PCYT2: variants seen among roughly 807,000 people sequenced by gnomAD.
PCYT2 encodes ethanolamine-phosphate cytidylyltransferase.
PCYT2 carries 33 observed loss-of-function variants against 50.0 expected under a neutral mutation model. The observed-to-expected ratio is 0.66, with a 90% CI of 0.50 to 0.88. The LOEUF (loss-of-function observed/expected upper bound fraction) is 0.88, where lower values mean the gene tolerates loss of function less well. Ranked by LOEUF, PCYT2 falls within the 40% of genes least tolerant of loss-of-function variation. The pLI is 0.00. For synonymous variants in PCYT2, 240 were observed against 203.7 expected (o/e 1.18, Z -1.52); for missense variants, 430 against 519.7 (o/e 0.83, Z 1.68).
chr17:81,907,016 G>T, intron 6 of PCYT2, 118 bp from the exon 7 acceptor site: 2 of 1,272,904 alleles, frequency 1.6e-6, no homozygotes, highest in Non-Finnish European at 2.2e-6. Context: ...CAGTCATCTC[G>T]GGCAGGGGAC....
rs374995601 is a variant in PCYT2 at position 81,908,931 on chromosome 17, G to A, written c.285C>T (p.Tyr95=). The A allele has an allele frequency of 1.3e-5, 21 of 1,613,946 alleles. No homozygotes were observed. Among genetic ancestry groups the A allele is most frequent in the South Asian group, 3.3e-5 (3 of 91,082 alleles). ...WVDEVVPAAP[Y]VTTLETLDKY... ...TGTCCAGGGTCTCTAGTGTAGTGAC[G>A]TAGGGAGCCGCTGGCACCACCTCGT... The change falls in exon 3 of 13, where the codon TAC becomes TAT. Residue 95 remains tyrosine, a synonymous_variant. Transcript: ENST00000538936.
At position 81,906,485 on chromosome 17, in the gene PCYT2, G is replaced by A. The variant is rs375556586; in HGVS notation, c.738C>T (p.Ile246=). The A allele has an allele frequency of 2.2e-5, 36 of 1,613,340 alleles. No individual in the cohort carries two copies. Among genetic ancestry groups the A allele is most frequent in the Admixed American group, 6.7e-5 (4 of 59,996 alleles). The change falls in exon 8 of 13, where the codon ATC becomes ATT. Residue 246 remains isoleucine (I), a synonymous_variant. Coordinates refer to ENST00000538936, the MANE Select transcript of PCYT2 (RefSeq NM_002861.5). ...TGACCTGGTCAAAGTGTAAGCCCGCGATGATGTAGGGCCTCTCTGCCAGCC... is the reference window on the plus strand; with the variant it reads ...TGACCTGGTCAAAGTGTAAGCCCGCAATGATGTAGGGCCTCTCTGCCAGCC... ...VHRLAERPYI[I]AGLHFDQEVN...
In PCYT2 at chr17:81,902,515, C is replaced by G; in HGVS notation, c.*2318G>C. The G allele has an allele frequency of 1.4e-6, 2 of 1,446,848 alleles. No individual in the cohort carries two copies. Among genetic ancestry groups the G allele is most frequent in the Non-Finnish European group, 1.8e-6 (2 of 1,106,538 alleles). The allele number at this position is 1,446,848 out of a possible 1,614,324, so 89.6% of individuals were successfully genotyped here. On this transcript the variant is annotated 3_prime_UTR_variant, in exon 13 of 13. Transcript: ENST00000538936. ...CCCGGAGCTGCAACTGCACCCCAGG[C>G]TGCGGAGCCTCGTGAGTCCGGCGTG...
rs35473202 is a variant in PCYT2 at position 81,908,903 on chromosome 17, A to G, written c.313T>C (p.Tyr105His). ...YVTTLETLDKYNCDFCVHGND... is the reference protein window; with the variant it reads ...YVTTLETLDKHNCDFCVHGND... ...CCGTGAACACAGAAGTCACAGTTGT[A>G]TTTGTCCAGGGTCTCTAGTGTAGTG... The change falls in exon 3 of 13, where the codon TAC becomes CAC. Residue 105 changes from tyrosine to histidine, a missense_variant. Tyr to His is a moderately conservative substitution (Grantham distance 83, BLOSUM62 2). Coordinates refer to ENST00000538936, the MANE Select transcript of PCYT2 (RefSeq NM_002861.5). The G allele has an allele frequency of 3.5e-4, 557 of 1,613,746 alleles. 1 individual carries two copies. Among genetic ancestry groups the G allele is most frequent in the Non-Finnish European group, 4.5e-4 (526 of 1,179,968 alleles).
At chr17:81,911,092 G>A in intron 1 of PCYT2, 175 bp downstream of exon 1, 7 of 1,002,308 alleles carry the variant, frequency 7.0e-6, no homozygotes, top group Non-Finnish European at 7.1e-6. Context: ...AGGGCGCGGA[G>A]CCTCTGCAGC....
rs140422657 is a variant in PCYT2 at position 81,904,599 on chromosome 17, C to T, written c.*234G>A. 70 of 511,280 alleles carry T rather than the reference C, an allele frequency of 1.4e-4. No individual in the cohort carries two copies. The highest frequency in any genetic ancestry group is 9.7e-4 in the African/African-American group (51 of 52,398). The allele number at this position is 511,280 out of a possible 1,614,324, so 31.7% of individuals were successfully genotyped here. On this transcript the variant is annotated 3_prime_UTR_variant, in exon 13 of 13. Transcript: ENST00000538936. ...TTTCAGGCTGCAGGTGCCGTCTGCC[C>T]GTCTCACTTCCGGCCTCTCCACTGT...
rs776964821 is a variant in PCYT2, at chr17:81,902,761, C to T, written c.*2072G>A. The T allele has an allele frequency of 1.3e-6, 2 of 1,596,066 alleles. No individual in the cohort carries two copies. The highest frequency in any genetic ancestry group is 1.1e-5 in the South Asian group (1 of 89,252). On this transcript the variant is annotated 3_prime_UTR_variant, in exon 13 of 13. Coordinates refer to ENST00000538936, the MANE Select transcript of PCYT2 (RefSeq NM_002861.5). ...CCTCGCCGCCTGAGCCCGGACCTCT[C>T]CTGGCACCGCTGGGGGCCCCCCGCC...
At chr17:81,906,701 GC>G in intron 7 of PCYT2, 58 bp downstream of exon 7, 2 of 1,601,558 alleles carry the variant, frequency 1.2e-6, no homozygotes, top group Non-Finnish European at 1.7e-6. Flanking sequence ...GTCAAGTGAG[GC>G]CCCCGGGTCC....
intron 6 of PCYT2, chr17:81,907,158 C>G: frequency 1.4e-6 from 2 of 1,451,778 alleles, no homozygotes; most frequent in Non-Finnish European, 1.8e-6. Flanking sequence ...CAGGTGCACA[C>G]AGCCCTTGGG....
chr17:81,905,340 C>CA (rs2040195659), intron 11 of PCYT2, 42 bp downstream of exon 11: 1 of 1,520,072 alleles, frequency 6.6e-7, no homozygotes, highest in Non-Finnish European at 8.9e-7. Flanking sequence ...TGGGAGGTGC[C>CA]AATGGCAACC....
In PCYT2 at chr17:81,901,331, G is replaced by A. The variant is rs1159556706; in HGVS notation, c.*3502C>T. The A allele has an allele frequency of 6.6e-6, 1 of 152,236 alleles. No individual in the cohort carries two copies. Among genetic ancestry groups the A allele is most frequent in the East Asian group, 1.9e-4 (1 of 5,206 alleles). 9.4% of individuals were successfully genotyped at this position (152,236 alleles called of 1,614,324 possible). A position where few individuals can be genotyped will look rare whatever the true frequency, so the allele number is the denominator to read the frequency against. On this transcript the variant is annotated 3_prime_UTR_variant, in exon 13 of 13. Coordinates refer to ENST00000538936, the MANE Select transcript of PCYT2 (RefSeq NM_002861.5). ...TGGTGCCCACCTGGATTGAGGGTGG[G>A]TCTGCCTCTCCCAGCCCACTGACTC...
chr17:81,904,790 C>G lies in PCYT2; in HGVS notation c.*43G>C. The stretch of plus-strand genomic sequence containing the variant: ...GTCCTATGTCCAAACGCAGAAGGCG[C>G]AGAAGCAGAGCAGGGGGAGGGCCGG... On this transcript the variant is annotated 3_prime_UTR_variant, in exon 13 of 13. Transcript: ENST00000538936. 1.5e-6 allele frequency: 2 copies of G among 1,361,720 alleles called. No homozygotes were observed. The highest frequency in any genetic ancestry group is 2.1e-6 in the Non-Finnish European group (2 of 971,072). 84.4% of individuals were successfully genotyped at this position (1,361,720 alleles called of 1,614,324 possible). A position where few individuals can be genotyped will look rare whatever the true frequency, so the allele number is the denominator to read the frequency against.
chr17:81,902,673 C>T lies in PCYT2; in HGVS notation c.*2160G>A, dbSNP rs769379999. The T allele has an allele frequency of 2.5e-5, 40 of 1,607,818 alleles. No individual in the cohort carries two copies. The Admixed American group carries it at 5.2e-4, about 21-fold the overall frequency. ...ACCTGCAGAGGTGCGAGCGGCTCCC[C>T]GACGGCCGCGGGACCTACCAGTGCA... On this transcript the variant is annotated 3_prime_UTR_variant, in exon 13 of 13. Transcript: ENST00000538936.
At position 81,904,583 on chromosome 17, in the gene PCYT2, G is replaced by A. The variant is rs568048355; in HGVS notation, c.*250C>T. On this transcript the variant is annotated 3_prime_UTR_variant, in exon 13 of 13. Transcript: ENST00000538936. ...ACGCAGGAGCGGTGCGTTTCAGGCT[G>A]CAGGTGCCGTCTGCCCGTCTCACTT... 3 of 494,408 alleles carry A rather than the reference G, an allele frequency of 6.1e-6. No homozygotes were observed. The Admixed American group carries it at 1.1e-4, about 18-fold the overall frequency. The allele number at this position is 494,408 out of a possible 1,614,324, so 30.6% of individuals were successfully genotyped here. A position where few individuals can be genotyped will look rare whatever the true frequency, so the allele number is the denominator to read the frequency against.
intron 9 of PCYT2, 60 bp downstream of exon 9, chr17:81,906,040 T>G: frequency 6.9e-7 from 1 of 1,455,936 alleles, no homozygotes; most frequent in Non-Finnish European, 9.4e-7. Flanking sequence ...AGGCCCTTAG[T>G]AGGGGGGATG....
At position 81,902,397 on chromosome 17, in the gene PCYT2, C is replaced by T; in HGVS notation, c.*2436G>A. On this transcript the variant is annotated 3_prime_UTR_variant, in exon 13 of 13. Coordinates refer to ENST00000538936, the MANE Select transcript of PCYT2 (RefSeq NM_002861.5). ...ACAGCTCCTACTCGGTGGGCCGCGC[C>T]GCGGGGCTGCTGTCCGGCCTCCGCA... 3 of 1,343,532 alleles carry T rather than the reference C, an allele frequency of 2.2e-6. No homozygotes were observed. Among genetic ancestry groups the T allele is most frequent in the Non-Finnish European group, 2.8e-6 (3 of 1,054,438 alleles). The allele number at this position is 1,343,532 out of a possible 1,614,324, so 83.2% of individuals were successfully genotyped here.
chr17:81,907,123 C>A (rs972732360), intron 6 of PCYT2: 12 of 1,265,032 alleles, frequency 9.5e-6, no homozygotes, highest in Non-Finnish European at 1.3e-5. Context: ...AAGCGACCAC[C>A]AGGAGGAGGC....
intron 8 of PCYT2, 124 bp downstream of exon 8, chr17:81,906,340 C>T (rs1222968086): frequency 4.3e-6 from 5 of 1,150,550 alleles, no homozygotes; most frequent in Non-Finnish European, 6.3e-6. Context: ...GATCACCCCC[C>T]AGGGTCTCCT....
rs770115957 is a variant in PCYT2, at chr17:81,902,763, TGGCACCGCTGGG to T, written c.*2058_*2069del. Reference sequence around the variant, plus strand: ...TCGCCGCCTGAGCCCGGACCTCTCCTGGCACCGCTGGGGGCCCCCCGCCCCCACCGTCCCACT... The same window carrying T: ...TCGCCGCCTGAGCCCGGACCTCTCCTGGCCCCCCGCCCCCACCGTCCCACT... On this transcript the variant is annotated 3_prime_UTR_variant, in exon 13 of 13. Coordinates refer to ENST00000538936, the MANE Select transcript of PCYT2 (RefSeq NM_002861.5). The T allele has an allele frequency of 2.5e-6, 4 of 1,594,182 alleles. No individual in the cohort carries two copies. The highest frequency in any genetic ancestry group is 2.6e-6 in the Non-Finnish European group (3 of 1,172,518).
Sources: allele counts gnomAD v4.1 joint callset, GRCh38; gene constraint gnomAD v4.1.1; transcripts MANE v1.5; gene names NCBI Gene and HGNC (gene_info 2026-07-23, HGNC 2026-07-21).